CYP46A1: variants seen among roughly 807,000 people sequenced by gnomAD.
CYP46A1 encodes the protein cytochrome P450 family 46 subfamily A member 1.
In CYP46A1, 20 loss-of-function variants were observed where a neutral mutation model predicts 63.3. The observed-to-expected ratio is 0.32, with a 90% confidence interval of 0.22 to 0.46. The LOEUF is 0.46. CYP46A1 is among the 20% of genes least tolerant of loss of function. The probability of loss-of-function intolerance (pLI) is 1.00; values close to 1 mark genes in which losing one functional copy is unlikely to be tolerated. For missense variants in CYP46A1, 445 were observed against 670.8 expected, an observed-to-expected ratio of 0.66 and a Z score of 3.72; for synonymous variants, 268 against 273.6, an observed-to-expected ratio of 0.98 and a Z score of 0.20.
chr14:99,707,956 A>C, intron 7 of CYP46A1: 1 of 379,848 alleles, frequency 2.6e-6, no homozygotes, highest in Admixed American at 4.2e-5. Flanking sequence ...ATGGTGTCAG[A>C]TTTTCTGGAT....
In CYP46A1 at chr14:99,722,162, C is replaced by T. The variant is rs558959261; in HGVS notation, c.1176+96C>T. The T allele has an allele frequency of 3.0e-4, 255 of 861,488 alleles. 3 individuals are homozygous for T. The South Asian group carries it at 3.8e-3, about 13-fold the overall frequency. 53.4% of individuals were successfully genotyped at this position (861,488 alleles called of 1,614,324 possible). On this transcript the variant is annotated intron_variant, in intron 12 of 14. Transcript: ENST00000261835. This position sits in a 1 kb window ranked among gnomAD's most constrained non-coding sequence, Gnocchi z 4.6. ...ACCAGGGGAGCCTGTGGCCCTGTTC[C>T]CATCATTGCAACGGGCCTCACTGGC... is the stretch of plus-strand genomic sequence containing the variant.
chr14:99,726,737 C>T lies in CYP46A1; in HGVS notation c.*10C>T, dbSNP rs374391699. On this transcript the variant is annotated 3_prime_UTR_variant, in exon 15 of 15. Coordinates refer to ENST00000261835, the MANE Select transcript of CYP46A1 (RefSeq NM_006668.2). Reference sequence around the variant, plus strand: ...ACCACCCCCCTGCTGAGGGGGCCTCCAGGCAGGACGAGACTCCTCGGGCAA... The same window carrying T: ...ACCACCCCCCTGCTGAGGGGGCCTCTAGGCAGGACGAGACTCCTCGGGCAA... 2.6e-5 allele frequency: 39 copies of T among 1,511,594 alleles called. No individual in the cohort carries two copies. The East Asian group carries it at 6.7e-4, about 26-fold the overall frequency. The allele number at this position is 1,511,594 out of a possible 1,614,324, so 93.6% of individuals were successfully genotyped here.
At chr14:99,711,101 T>G (rs1468696652) in intron 7 of CYP46A1, 1 of 152,024 alleles carries the variant, frequency 6.6e-6, no homozygotes, top group Non-Finnish European at 1.5e-5. Context: ...AAAAAATTCT[T>G]GAAACAAATG....
intron 5 of CYP46A1, among the ~76,000 whole-genome samples, chr14:99,700,524 G>T (rs558456260): frequency 6.6e-6 from 1 of 152,194 alleles, no homozygotes; most frequent in Non-Finnish European, 1.5e-5. Flanking sequence ...CAGTGGTCCC[G>T]TAAGATTATA....
intron 10 of CYP46A1, 125 bp downstream of exon 10, chr14:99,718,251 C>T (rs530066170): frequency 1.0e-4 from 74 of 743,594 alleles, no homozygotes; most frequent in South Asian, 3.3e-4. Context: ...GGCCTTGGCA[C>T]ATGCTGTTCC....
chr14:99,704,458 G>T (rs2056658056), intron 5 of CYP46A1, among the ~76,000 whole-genome samples: 1 of 152,184 alleles, frequency 6.6e-6, no homozygotes, highest in Non-Finnish European at 1.5e-5. Context: ...TACCCACACA[G>T]AATATAATTT....
At chr14:99,698,658 G>A (rs1443418770) in intron 3 of CYP46A1, among the ~76,000 whole-genome samples, 7 of 152,330 alleles carry the variant, frequency 4.6e-5, no homozygotes, top group African/African-American at 1.7e-4. Context: ...TCTAAGATGA[G>A]GAAACTGAGG....
intron 12 of CYP46A1, among the ~76,000 whole-genome samples, chr14:99,724,503 C>T (rs1466498407): frequency 6.6e-6 from 1 of 152,242 alleles, no homozygotes; most frequent in African/African-American, 2.4e-5. Flanking sequence ...CTGTGGCTCA[C>T]TCTCAGCCTG....
rs1471482645 is a variant in CYP46A1 at position 99,718,141 on chromosome 14, C to T, written c.980+15C>T. 14 of 1,612,184 alleles carry T rather than the reference C, an allele frequency of 8.7e-6. No individual in the cohort carries two copies. The Admixed American group carries it at 2.0e-4, about 23-fold the overall frequency. The stretch of plus-strand genomic sequence containing the variant: ...ATCGTGGCAAGGTATGGGGGCTGCT[C>T]TTGGGGCTGGCAAAGAGGTCTGTCT... On this transcript the variant is annotated intron_variant, in intron 10 of 14. Transcript: ENST00000261835.
chr14:99,687,720 T>C (rs2056506698), intron 1 of CYP46A1, among the ~76,000 whole-genome samples: 1 of 152,088 alleles, frequency 6.6e-6, no homozygotes, highest in South Asian at 2.1e-4. Context: ...CAGCCAATCA[T>C]GATGTTGCAG....
chr14:99,705,924 A>G (rs1399812239), intron 5 of CYP46A1: 2 of 152,214 alleles, frequency 1.3e-5, no homozygotes, highest in Non-Finnish European at 2.9e-5. Flanking sequence ...GACTCTGTCT[A>G]TGGAAAAATA....
Position 99,726,700 on chromosome 14 carries a change from G to C in CYP46A1, c.1476G>C (p.Gln492His). The stretch of plus-strand genomic sequence containing the variant: ...GCACCCTGCGGCCCCGCGGCTGGCA[G>C]CCCGCACCCCCACCACCCCCCTGCT... ...VLCTLRPRGW[Q>H]PAPPPPPC Residue 492 changes from glutamine (Q) to histidine (H), a missense_variant, in exon 15 of 15, where the codon CAG (glutamine) becomes CAC (histidine). Gln to His is a conservative substitution (Grantham distance 24). This residue lies in a region of CYP46A1 where 85 missense variants were observed against 80.1 expected (regional missense o/e 1.06). Coordinates refer to ENST00000261835, the MANE Select transcript of CYP46A1 (RefSeq NM_006668.2). The C allele has an allele frequency of 4.5e-6, 7 of 1,541,568 alleles. No individual in the cohort carries two copies. The highest frequency in any genetic ancestry group is 3.5e-6 in the Non-Finnish European group (4 of 1,142,444).
chr14:99,725,581 C>T lies in CYP46A1; in HGVS notation c.1265+102C>T. ...GAGGCACCCACTCAGCCCACATAGC[C>T]TTCCAGATCCCTGTGAGGTGGTTGT... On this transcript the variant is annotated intron_variant, in intron 13 of 14. Transcript: ENST00000261835. This position sits in a 1 kb window ranked among gnomAD's most constrained non-coding sequence, Gnocchi z 4.2. 1.3e-6 allele frequency: 1 copy of T among 795,796 alleles called. No individual in the cohort carries two copies. The highest frequency in any genetic ancestry group is 2.1e-6 in the Non-Finnish European group (1 of 467,036). The allele number at this position is 795,796 out of a possible 1,614,324, so 49.3% of individuals were successfully genotyped here. A position where few individuals can be genotyped will look rare whatever the true frequency, so the allele number is the denominator to read the frequency against.
chr14:99,702,767 C>G (rs1427459144), intron 5 of CYP46A1, among the ~76,000 whole-genome samples: 1 of 152,052 alleles, frequency 6.6e-6, no homozygotes, highest in Non-Finnish European at 1.5e-5. Flanking sequence ...GTGCTCCCCA[C>G]CTTTAAATAC....
rs563923462 is a variant in CYP46A1, at chr14:99,721,339, G to C, written c.1065+16G>C. On this transcript the variant is annotated intron_variant, in intron 11 of 14. Coordinates refer to ENST00000261835, the MANE Select transcript of CYP46A1 (RefSeq NM_006668.2). ...CCTGTCCCAGGTGTGGGAAGTAGGA[G>C]GGAAGCTTCTGGGCGGATGTGGGTG... 2.0e-5 allele frequency: 32 copies of C among 1,566,636 alleles called. No individual in the cohort carries two copies. In the African/African-American group the frequency reaches 4.0e-4, roughly 20 times the overall value.
chr14:99,688,573 A>G (rs755333307), intron 1 of CYP46A1, among the ~76,000 whole-genome samples: 1 of 151,602 alleles, frequency 6.6e-6, no homozygotes, highest in Non-Finnish European at 1.5e-5. Context: ...TCCTAGGAGC[A>G]CCCCCACCTC....
rs746476117 is a variant in CYP46A1 at position 99,726,757 on chromosome 14, G to A, written c.*30G>A. 1.7e-5 allele frequency: 25 copies of A among 1,473,258 alleles called. No homozygotes were observed. The highest frequency in any genetic ancestry group is 2.7e-5 in the South Asian group (2 of 74,374). 91.3% of individuals were successfully genotyped at this position (1,473,258 alleles called of 1,614,324 possible). A position where few individuals can be genotyped will look rare whatever the true frequency, so the allele number is the denominator to read the frequency against. On this transcript the variant is annotated 3_prime_UTR_variant, in exon 15 of 15. Transcript: ENST00000261835. ...GCCTCCAGGCAGGACGAGACTCCTC[G>A]GGCAAGGGCCGTGCCCGCCCACCTC...
intron 10 of CYP46A1, among the ~76,000 whole-genome samples, chr14:99,719,120 AATATAC>A (rs2056820024): frequency 6.6e-6 from 1 of 152,108 alleles, no homozygotes; most frequent in Admixed American, 6.5e-5. Context: ...ATTGTGGTAA[AATATAC>A]ATAACATAAA....
chr14:99,698,753 C>A (rs896314086), intron 3 of CYP46A1, among the ~76,000 whole-genome samples: 2 of 152,184 alleles, frequency 1.3e-5, no homozygotes, highest in African/African-American at 4.8e-5. Context: ...CAAATTGAAG[C>A]TGGCTGACTA....
Sources: allele counts gnomAD v4.1 joint callset (sites outside exome capture counted in the v4.1 genomes callset), GRCh38; gene constraint gnomAD v4.1.1; regional missense constraint gnomAD v4.1.1; non-coding constraint Gnocchi (gnomAD v3.1); transcripts MANE v1.5; gene names NCBI Gene and HGNC (gene_info 2026-07-23, HGNC 2026-07-21).